The following TES variants were observed in gnomAD, a reference collection of about 807,000 sequenced individuals.
TES encodes testin.
A neutral mutation model predicts 48.2 loss-of-function variants in TES; 41 were observed. That is an observed-to-expected ratio of 0.85 (90% CI 0.66 to 1.10). TES has a LOEUF of 1.10. TES is among the 50% of genes least tolerant of loss of function. The pLI is 0.00. For synonymous variants in TES, 162 were observed against 174.9 expected (o/e 0.93, Z 0.58); for missense variants, 463 against 515.1 (o/e 0.90, Z 0.98).
At position 116,257,635 on chromosome 7, in the gene TES, TC is replaced by T; in HGVS notation, c.*154del. The T allele has an allele frequency of 1.5e-6, 1 of 689,372 alleles. No homozygotes were observed. Among genetic ancestry groups the T allele is most frequent in the Non-Finnish European group, 2.1e-6 (1 of 473,900 alleles). 42.7% of individuals were successfully genotyped at this position (689,372 alleles called of 1,614,324 possible). A position where few individuals can be genotyped will look rare whatever the true frequency, so the allele number is the denominator to read the frequency against. On this transcript the variant is annotated 3_prime_UTR_variant, in exon 7 of 7. Coordinates refer to ENST00000358204, the MANE Select transcript of TES (RefSeq NM_015641.4). Reference sequence around the variant, plus strand: ...AATTTTTTTGGCCATTTTTTCTTCATCAATTTTTTTTCGGTCTCAACTTTTA... The same window carrying T: ...AATTTTTTTGGCCATTTTTTCTTCATAATTTTTTTTCGGTCTCAACTTTTA...
At chr7:116,229,377 G>A (rs894387243) in intron 1 of TES, among the ~76,000 whole-genome samples, 1 of 152,122 alleles carries the variant, frequency 6.6e-6, no homozygotes, top group Non-Finnish European at 1.5e-5. Flanking sequence ...CTAAGGAGAA[G>A]GTGTGGTCTA....
intron 1 of TES, among the ~76,000 whole-genome samples, chr7:116,220,178 G>T (rs926830838): frequency 9.9e-5 from 15 of 152,092 alleles, no homozygotes; most frequent in African/African-American, 3.4e-4. Context: ...CTCTATCTTT[G>T]GTAATGGAAT....
At chr7:116,242,105 T>C (rs1799856068) in intron 2 of TES, among the ~76,000 whole-genome samples, 1 of 152,210 alleles carries the variant, frequency 6.6e-6, no homozygotes, top group Admixed American at 6.5e-5. Context: ...AAGTCCAGTG[T>C]TTATTATACG....
chr7:116,224,029 G>A (rs1011552645), intron 1 of TES, among the ~76,000 whole-genome samples: 2 of 152,190 alleles, frequency 1.3e-5, no homozygotes, highest in African/African-American at 4.8e-5. Flanking sequence ...CATCACTTCC[G>A]AGATTAGGGA....
At chr7:116,218,682 T>A (rs991943606) in intron 1 of TES, among the ~76,000 whole-genome samples, 113 of 117,840 alleles carry the variant, frequency 9.6e-4, no homozygotes, top group Admixed American at 2.7e-3. Context: ...AAAATACCGA[T>A]GTCACCTTTG....
chr7:116,215,916 T>C (rs1470049394), intron 1 of TES, among the ~76,000 whole-genome samples: 1 of 152,112 alleles, frequency 6.6e-6, no homozygotes, highest in Non-Finnish European at 1.5e-5. Flanking sequence ...CCTCTTAATA[T>C]TGGGAGAACT....
At chr7:116,248,529 T>C (rs1799958622) in intron 2 of TES, among the ~76,000 whole-genome samples, 1 of 152,222 alleles carries the variant, frequency 6.6e-6, no homozygotes, top group Admixed American at 6.5e-5. Context: ...TTGCATTCCT[T>C]AATGATTAGT....
Position 116,240,661 on chromosome 7 carries a change from T to C in TES, c.113+6042T>C, listed in dbSNP as rs531971971. Among the ~76,000 whole-genome samples, 4 of 152,316 alleles carry C rather than the reference T, an allele frequency of 2.6e-5. No homozygotes were observed. The East Asian group carries it at 5.8e-4, about 22-fold the overall frequency. On this transcript the variant is annotated intron_variant, in intron 2 of 6. Transcript: ENST00000358204. The stretch of plus-strand genomic sequence containing the variant: ...TTTAAAAGAATCATGAAAAAGACTT[T>C]TAAACTAACTTAATTCTGAATCCCC...
At chr7:116,222,936 CA>C (rs1799573743) in intron 1 of TES, 3 of 979,574 alleles carry the variant, frequency 3.1e-6, no homozygotes, top group Non-Finnish European at 3.6e-6. Context: ...ATAATTGTGA[CA>C]TTTTTATAGC....
intron 2 of TES, among the ~76,000 whole-genome samples, chr7:116,234,897 T>C (rs1384220627): frequency 1.3e-5 from 2 of 152,242 alleles, no homozygotes; most frequent in Non-Finnish European, 2.9e-5. Flanking sequence ...ATCATCTTTC[T>C]GGTGGTAAAT....
In TES at chr7:116,257,365, T is replaced by C. The variant is rs1425467410; in HGVS notation, c.1149T>C (p.His383=). The C allele has an allele frequency of 6.2e-7, 1 of 1,614,084 alleles. No individual in the cohort carries two copies. Among genetic ancestry groups the C allele is most frequent in the Admixed American group, 1.7e-5 (1 of 59,996 alleles). The change falls in exon 7 of 7, where the codon CAT becomes CAC. Residue 383 remains histidine, a synonymous_variant. Transcript: ENST00000358204. ...QRVTYNNFSW[H]ASTECFLCSC... ...TGACCTATAACAATTTCAGCTGGCA[T>C]GCATCCACAGAGTGCTTTCTGTGCT... is the stretch of plus-strand genomic sequence containing the variant.
At chr7:116,236,842 G>A (rs531689119) in intron 2 of TES, among the ~76,000 whole-genome samples, 1 of 152,068 alleles carries the variant, frequency 6.6e-6, no homozygotes, top group Non-Finnish European at 1.5e-5. Context: ...AATCAACTGG[G>A]TGTAGTCTGA....
At chr7:116,253,606 C>T (rs372810142) in intron 6 of TES, among the ~76,000 whole-genome samples, 5 of 152,256 alleles carry the variant, frequency 3.3e-5, no homozygotes, top group African/African-American at 7.2e-5. Flanking sequence ...AGTTATCCAA[C>T]GCAAATCATA....
At chr7:116,249,659 T>C (rs574804732) in intron 3 of TES, 126 of 179,726 alleles carry the variant, frequency 7.0e-4, no homozygotes, top group African/African-American at 2.6e-3. Flanking sequence ...TTGTGTTTTT[T>C]TCATTTCCTT....
Position 116,257,389 on chromosome 7 carries a change from C to G in TES, c.1173C>G (p.Cys391Trp). Residue 391 changes from cysteine (C) to tryptophan (W), a missense_variant, in exon 7 of 7, where the codon TGC becomes TGG. Transcript: ENST00000358204. ...SWHASTECFL[C>W]SCCSKCLIGQ... ...ATGCATCCACAGAGTGCTTTCTGTG[C>G]TCTTGCTGCAGCAAATGCCTCATTG... 6.2e-7 allele frequency: 1 copy of G among 1,614,030 alleles called. No homozygotes were observed. Among genetic ancestry groups the G allele is most frequent in the South Asian group, 1.1e-5 (1 of 91,070 alleles).
At chr7:116,242,933 T>C (rs967633692) in intron 2 of TES, among the ~76,000 whole-genome samples, 1 of 152,200 alleles carries the variant, frequency 6.6e-6, no homozygotes, top group African/African-American at 2.4e-5. Flanking sequence ...TTGCTTCACA[T>C]CTTAAAACTA....
intron 1 of TES, chr7:116,223,148 C>A (rs1799577393): frequency 3.8e-6 from 1 of 265,252 alleles, no homozygotes; most frequent in Non-Finnish European, 5.8e-6. Flanking sequence ...TTTCATCAGT[C>A]GCTTACCTGA....
chr7:116,233,520 C>T (rs985938117), intron 1 of TES, among the ~76,000 whole-genome samples: 2 of 152,220 alleles, frequency 1.3e-5, no homozygotes, highest in African/African-American at 2.4e-5. Context: ...CATTTATTAA[C>T]ATTTTGATCT....
chr7:116,217,796 C>T, intron 1 of TES: 1 of 518,168 alleles, frequency 1.9e-6, no homozygotes, highest in Non-Finnish European at 3.9e-6. Flanking sequence ...TTTCAACTGC[C>T]CAACTACAAT....
Sources: gnomAD v4.1 joint callset for allele counts (sites outside exome capture counted in the v4.1 genomes callset) on GRCh38, gnomAD v4.1.1 for gene constraint, MANE v1.5 for transcripts, NCBI Gene and HGNC (gene_info 2026-07-23, HGNC 2026-07-21) for gene names.